FBXW11: variants seen among roughly 807,000 people sequenced by gnomAD.
The protein encoded by FBXW11 is F-box/WD repeat-containing protein 11.
FBXW11 carries 19 observed loss-of-function variants against 77.6 expected under a neutral mutation model. The ratio of observed to expected loss-of-function variants is 0.24; its 90% CI spans 0.17 to 0.36. The LOEUF is 0.36. FBXW11 is among the 10% of genes least tolerant of loss of function. The pLI is 1.00. For missense variants in FBXW11, 334 were observed against 704.2 expected, an observed-to-expected ratio of 0.47 and a Z score of 5.95; for synonymous variants, 235 against 249.4, an observed-to-expected ratio of 0.94 and a Z score of 0.54.
chr5:171,992,842 A>T (rs2113566294), intron 1 of FBXW11, among the ~76,000 whole-genome samples: 1 of 152,154 alleles, frequency 6.6e-6, no homozygotes, highest in East Asian at 1.9e-4. Context: ...TAGGCAACTC[A>T]AATTCACCAT....
chr5:171,956,884 C>A (rs1393247340), intron 2 of FBXW11, among the ~76,000 whole-genome samples: 2 of 152,212 alleles, frequency 1.3e-5, no homozygotes, highest in African/African-American at 4.8e-5. Flanking sequence ...TCTTCCTTGG[C>A]TCTCTTAGAA....
chr5:171,979,877 T>TGCC (rs2113482465), intron 1 of FBXW11, among the ~76,000 whole-genome samples: 1 of 152,352 alleles, frequency 6.6e-6, no homozygotes. Context: ...TCCACCCTAC[T>TGCC]GCCGTGTCCA....
intron 1 of FBXW11, among the ~76,000 whole-genome samples, chr5:171,995,672 T>C (rs1339042615): frequency 6.6e-6 from 1 of 151,870 alleles, no homozygotes; most frequent in African/African-American, 2.4e-5. Flanking sequence ...GAGAATGGCA[T>C]GAACCAGGGG....
In FBXW11 at chr5:171,877,621, C is replaced by T. The variant is rs1268766646; in HGVS notation, c.971+390G>A. ...AGCAGGGGTACGGAAGCACTGAGTC[C>T]AGGAGAGGATACTAAGCATGCTTCA... is the stretch of plus-strand genomic sequence containing the variant. On this transcript the variant is annotated intron_variant, in intron 8 of 13. Transcript: ENST00000517395. 2.6e-5 allele frequency among the ~76,000 whole-genome samples: 4 copies of T among 151,968 alleles called. No individual in the cohort carries two copies. The East Asian group carries it at 7.7e-4, about 29-fold the overall frequency.
intron 1 of FBXW11, among the ~76,000 whole-genome samples, chr5:171,981,545 G>T (rs1209555438): frequency 6.6e-6 from 1 of 152,172 alleles, no homozygotes; most frequent in Non-Finnish European, 1.5e-5. Context: ...AGTCAGAATT[G>T]AATTGAACTA....
intron 2 of FBXW11, among the ~76,000 whole-genome samples, chr5:171,952,447 ATTTTTT>A (rs1164383563): frequency 7.2e-4 from 5 of 6,940 alleles, no homozygotes; most frequent in African/African-American, 1.4e-3. Flanking sequence ...ATATATATAT[ATTTTTT>A]TTTTTTTTTT....
intron 7 of FBXW11, among the ~76,000 whole-genome samples, chr5:171,878,603 AGTGTGTGTGT>A (rs34099380): frequency 6.2e-5 from 8 of 128,470 alleles, no homozygotes; most frequent in Admixed American, 1.6e-4. Context: ...AGAGAGAGAG[AGTGTGTGTGT>A]GTGTGTGTGT....
chr5:171,900,008 G>A lies in FBXW11; in HGVS notation c.529C>T (p.Arg177Ter). 1 of 1,613,752 alleles carries A rather than the reference G, an allele frequency of 6.2e-7. No individual in the cohort carries two copies. The highest frequency in any genetic ancestry group is 8.5e-7 in the Non-Finnish European group (1 of 1,179,736). ...CAAAGCATTCCTTCTGAGATCACTC[G>A]CTGCCATTCTTTACATACCAGCTCT... ...AAELVCKEWQ[R>*]VISEGMLWKK... is the part of the protein sequence containing the mutation. The change falls in exon 5 of 14, where the codon CGA (arginine) becomes TGA (stop). Residue 177 changes from arginine (R) to a stop codon, truncating the protein, a stop_gained. Coordinates refer to ENST00000517395, the MANE Select transcript of FBXW11 (RefSeq NM_001378974.1). LOFTEE classifies it high-confidence loss of function.
chr5:171,920,941 A>C (rs753474776), intron 2 of FBXW11, among the ~76,000 whole-genome samples: 11 of 152,210 alleles, frequency 7.2e-5, no homozygotes, highest in Non-Finnish European at 1.5e-4. Flanking sequence ...AAACCTGAGA[A>C]AGTGGACCCC....
At chr5:171,933,594 T>C (rs1762328125) in intron 2 of FBXW11, among the ~76,000 whole-genome samples, 1 of 152,160 alleles carries the variant, frequency 6.6e-6, no homozygotes, top group Non-Finnish European at 1.5e-5. Flanking sequence ...TGTGTGTGTA[T>C]GTGGGTAGAA....
At chr5:171,916,694 G>A (rs1401844767) in intron 2 of FBXW11, among the ~76,000 whole-genome samples, 1 of 152,146 alleles carries the variant, frequency 6.6e-6, no homozygotes, top group African/African-American at 2.4e-5. Context: ...CCCTGAGTTT[G>A]GTAGTTACAA....
intron 3 of FBXW11, among the ~76,000 whole-genome samples, chr5:171,911,836 A>C (rs1033163611): frequency 1.3e-5 from 2 of 152,204 alleles, no homozygotes; most frequent in Admixed American, 1.3e-4. Context: ...CACTAGACTC[A>C]AACCACAACT....
intron 7 of FBXW11, among the ~76,000 whole-genome samples, chr5:171,878,553 A>AGTGTGTGT (rs34933781): frequency 0.025 from 2,676 of 105,390 alleles, 138 homozygotes; most frequent in African/African-American, 0.089. Flanking sequence ...TCTCCATAAG[A>AGTGTGTGT]GTGTGTGAGT....
rs778327855 is a variant in FBXW11 at position 171,998,336 on chromosome 5, C to CTT, written c.45+8120_45+8121dup. ...ACAGCCCATGATATTTTTTTCTTGT[C>CTT]TTTTTTTTTTTTTTTTTAAGTAGAG... On this transcript the variant is annotated intron_variant, in intron 1 of 13. Coordinates refer to ENST00000517395, the MANE Select transcript of FBXW11 (RefSeq NM_001378974.1). 7.8e-5 allele frequency among the ~76,000 whole-genome samples: 9 copies of CTT among 114,820 alleles called. 1 individual carries two copies. The highest frequency in any genetic ancestry group is 2.3e-4 in the East Asian group (1 of 4,304). The allele number at this position is 114,820 out of a possible 152,430, so 75.3% of individuals were successfully genotyped here. A position where few individuals can be genotyped will look rare whatever the true frequency, so the allele number is the denominator to read the frequency against.
intron 1 of FBXW11, among the ~76,000 whole-genome samples, chr5:171,966,892 C>T (rs1321407960): frequency 6.6e-6 from 1 of 152,118 alleles, no homozygotes; most frequent in Non-Finnish European, 1.5e-5. Context: ...ACTCTCATAC[C>T]ACCTCTGGCC....
rs1757141903 is a variant in FBXW11, at chr5:171,862,341, A to C, written c.*1786T>G. 6.6e-6 allele frequency: 1 copy of C among 152,654 alleles called. No individual in the cohort carries two copies. Among genetic ancestry groups the C allele is most frequent in the African/African-American group, 2.4e-5 (1 of 41,450 alleles). 9.5% of individuals were successfully genotyped at this position (152,654 alleles called of 1,614,324 possible). A position where few individuals can be genotyped will look rare whatever the true frequency, so the allele number is the denominator to read the frequency against. ...GAAGGATTTTATTTTTAAAAGAAAA[A>C]CTAAAAAAGCAAAGCCAACTCAATA... On this transcript the variant is annotated 3_prime_UTR_variant, in exon 14 of 14. Transcript: ENST00000517395.
intron 6 of FBXW11, among the ~76,000 whole-genome samples, chr5:171,895,103 G>C (rs1258157494): frequency 6.6e-6 from 1 of 152,178 alleles, no homozygotes; most frequent in African/African-American, 2.4e-5. Flanking sequence ...CTTAATGCCA[G>C]CAGCAGGAAC....
chr5:171,977,522 T>C (rs1259054812), intron 1 of FBXW11: 1 of 416,290 alleles, frequency 2.4e-6, no homozygotes, highest in Non-Finnish European at 4.8e-6. Context: ...TAAGAGCTGA[T>C]TGTCTAGCAG....
chr5:171,899,784 T>G (rs543182614), intron 5 of FBXW11, 130 bp downstream of exon 5: 1 of 780,494 alleles, frequency 1.3e-6, no homozygotes, highest in Admixed American at 2.7e-5. Flanking sequence ...TTCCAACTTT[T>G]GACCACTCAT....
Sources: gnomAD v4.1 joint callset for allele counts (sites outside exome capture counted in the v4.1 genomes callset) on GRCh38, gnomAD v4.1.1 for gene constraint, MANE v1.5 for transcripts, NCBI Gene and HGNC (gene_info 2026-07-23, HGNC 2026-07-21) for gene names.